The following SPATA6 variants were observed in gnomAD, a reference collection of about 807,000 sequenced individuals.
The protein encoded by SPATA6 is spermatogenesis-associated protein 6.
SPATA6 carries 56 observed loss-of-function variants against 65.3 expected under a neutral mutation model. The ratio of observed to expected loss-of-function variants is 0.86; its 90% CI spans 0.69 to 1.07. The LOEUF (loss-of-function observed/expected upper bound fraction) is 1.07. Ranked by LOEUF, SPATA6 falls within the 50% of genes least tolerant of loss-of-function variation. The pLI is 0.00. For missense variants in SPATA6, 590 were observed against 594.8 expected, an observed-to-expected ratio of 0.99 and a Z score of 0.08; for synonymous variants, 199 against 213.2, an observed-to-expected ratio of 0.93 and a Z score of 0.58.
chr1:48,471,887 C>A, intron 1 of SPATA6, 71 bp downstream of exon 1: 1 of 1,564,296 alleles, frequency 6.4e-7, no homozygotes, highest in Non-Finnish European at 8.7e-7. Context: ...GGGGTGGTTC[C>A]GGGCTCTCGG....
At chr1:48,385,215 G>T in intron 9 of SPATA6, 94 bp downstream of exon 9, 1 of 1,062,726 alleles carries the variant, frequency 9.4e-7, no homozygotes, top group Non-Finnish European at 1.3e-6. Context: ...AAATGAATTT[G>T]ATAATCCCTA....
At chr1:48,411,926 C>T (rs2147983467) in intron 4 of SPATA6, among the ~76,000 whole-genome samples, 1 of 151,626 alleles carries the variant, frequency 6.6e-6, no homozygotes, top group Admixed American at 6.6e-5. Flanking sequence ...TGCAATGGTG[C>T]CATCTCAGCT....
chr1:48,445,600 C>T (rs1190525676), intron 3 of SPATA6, among the ~76,000 whole-genome samples: 2 of 129,290 alleles, frequency 1.5e-5, no homozygotes, highest in African/African-American at 3.0e-5. Context: ...GCGGAGCTTG[C>T]AGTGAGCCGA....
At chr1:48,452,773 A>G (rs908729085) in intron 2 of SPATA6, among the ~76,000 whole-genome samples, 1 of 152,226 alleles carries the variant, frequency 6.6e-6, no homozygotes, top group Non-Finnish European at 1.5e-5. Context: ...AAGTCCACTA[A>G]ATCAATTTTA....
At position 48,472,164 on chromosome 1, in the gene SPATA6, C is replaced by T. The variant is rs1658320170; in HGVS notation, c.-156G>A. 1.7e-6 allele frequency: 1 copy of T among 575,670 alleles called. No individual in the cohort carries two copies. Among genetic ancestry groups the T allele is most frequent in the Non-Finnish European group, 2.9e-6 (1 of 344,684 alleles). 35.7% of individuals were successfully genotyped at this position (575,670 alleles called of 1,614,324 possible). A position where few individuals can be genotyped will look rare whatever the true frequency, so the allele number is the denominator to read the frequency against. ...GGCCCGCGGTCCAGCCTGGGTTCCGCCGGAGAAGCAGCTGAGCGCGGGGCG... is the reference window on the plus strand; with the variant it reads ...GGCCCGCGGTCCAGCCTGGGTTCCGTCGGAGAAGCAGCTGAGCGCGGGGCG... On this transcript the variant is annotated 5_prime_UTR_variant, in exon 1 of 13. Coordinates refer to ENST00000371847, the MANE Select transcript of SPATA6 (RefSeq NM_019073.4).
chr1:48,396,617 CAT>C (rs994842510), intron 7 of SPATA6, among the ~76,000 whole-genome samples: 5 of 151,772 alleles, frequency 3.3e-5, no homozygotes, highest in African/African-American at 1.2e-4. Context: ...TATGCTATAA[CAT>C]AGATGAACCT....
chr1:48,370,743 C>T (rs1337532737), intron 9 of SPATA6, among the ~76,000 whole-genome samples: 2 of 152,028 alleles, frequency 1.3e-5, no homozygotes, highest in African/African-American at 4.8e-5. Flanking sequence ...AAAATAAAAG[C>T]AAAATCAAAC....
intron 11 of SPATA6, among the ~76,000 whole-genome samples, chr1:48,314,694 AG>A (rs1393334601): frequency 6.6e-6 from 1 of 152,200 alleles, no homozygotes; most frequent in Admixed American, 6.5e-5. Context: ...CTAAGATCAG[AG>A]CAGAACTGAA....
chr1:48,263,238 T>G, the SPATA6 span: 1 of 152,226 alleles, frequency 6.6e-6, no homozygotes, highest in African/African-American at 2.4e-5. Flanking sequence ...GAAAATCTCT[T>G]GGCAGTGAGT....
the SPATA6 span, among the ~76,000 whole-genome samples, chr1:48,269,826 AATAT>A: frequency 1.3e-5 from 2 of 151,342 alleles, no homozygotes; most frequent in Non-Finnish European, 3.0e-5. Context: ...TAAAATTTAA[AATAT>A]ATATATAAAT....
At chr1:48,450,900 C>T (rs1380088911) in intron 3 of SPATA6, among the ~76,000 whole-genome samples, 1 of 152,160 alleles carries the variant, frequency 6.6e-6, no homozygotes, top group African/African-American at 2.4e-5. Context: ...TACATTAGAT[C>T]AATCTGTTGA....
chr1:48,300,828 G>C (rs970655871), intron 12 of SPATA6, among the ~76,000 whole-genome samples: 1 of 151,980 alleles, frequency 6.6e-6, no homozygotes, highest in African/African-American at 2.4e-5. Flanking sequence ...TCATTTCAAT[G>C]GGTGCTGAAA....
rs1249672729 is a variant in SPATA6 at position 48,296,620 on chromosome 1, A to T, written c.*2093T>A. 2.0e-5 allele frequency: 3 copies of T among 152,108 alleles called. No individual in the cohort carries two copies. The highest frequency in any genetic ancestry group is 7.2e-5 in the African/African-American group (3 of 41,418). The allele number at this position is 152,108 out of a possible 1,614,324, so 9.4% of individuals were successfully genotyped here. ...GCAACTCTTAAAAGAATTTTCACTT[A>T]TTTTTCCATGGAAAAACACTGAGGA... On this transcript the variant is annotated 3_prime_UTR_variant, in exon 13 of 13. Coordinates refer to ENST00000371847, the MANE Select transcript of SPATA6 (RefSeq NM_019073.4).
rs10632587 is a variant in SPATA6 at position 48,445,659 on chromosome 1, CAAAAAAAAAAAA to C, written c.238+5881_238+5892del. Among the ~76,000 whole-genome samples, 126 of 51,266 alleles carry C rather than the reference CAAAAAAAAAAAA, an allele frequency of 2.5e-3. 2 individuals carry two copies. Among genetic ancestry groups the C allele is most frequent in the African/African-American group, 7.5e-3 (62 of 8,258 alleles). 33.6% of individuals were successfully genotyped at this position (51,266 alleles called of 152,430 possible). A position where few individuals can be genotyped will look rare whatever the true frequency, so the allele number is the denominator to read the frequency against. On this transcript the variant is annotated intron_variant, in intron 3 of 12. Coordinates refer to ENST00000371847, the MANE Select transcript of SPATA6 (RefSeq NM_019073.4). ...TGGGAGAGAGAGTGAGACTCTGTCT[CAAAAAAAAAAAA>C]AAAAAAAAAAAAAAAAGCTAACACA...
intron 3 of SPATA6, among the ~76,000 whole-genome samples, chr1:48,423,941 TA>T (rs1352526275): frequency 3.9e-5 from 6 of 152,218 alleles, no homozygotes; most frequent in African/African-American, 1.4e-4. Context: ...CAATGTAAAA[TA>T]AGCACATCAT....
intron 11 of SPATA6, among the ~76,000 whole-genome samples, chr1:48,344,053 G>A (rs191758051): frequency 1.8e-4 from 28 of 152,180 alleles, no homozygotes; most frequent in Admixed American, 4.6e-4. Context: ...GAAAGGAACA[G>A]ACTGACTACT....
chr1:48,372,417 C>T (rs1421970253), intron 9 of SPATA6, among the ~76,000 whole-genome samples: 1 of 152,216 alleles, frequency 6.6e-6, no homozygotes, highest in African/African-American at 2.4e-5. Flanking sequence ...CCAGCTCACA[C>T]TGATGCAAGA....
rs114370448 is a variant in SPATA6 at position 48,354,847 on chromosome 1, A to G, written c.1194+823T>C. ...TTTCTTGATCTGGTAGGTAGTTTACATGAGACTGTTAATTTTATAATTTCT... is the reference window on the plus strand; with the variant it reads ...TTTCTTGATCTGGTAGGTAGTTTACGTGAGACTGTTAATTTTATAATTTCT... On this transcript the variant is annotated intron_variant, in intron 11 of 12. Coordinates refer to ENST00000371847, the MANE Select transcript of SPATA6 (RefSeq NM_019073.4). Among the ~76,000 whole-genome samples the G allele has an allele frequency of 3.5e-4, 53 of 152,272 alleles. No homozygotes were observed. In the East Asian group the frequency reaches 8.1e-3, roughly 23 times the overall value.
At position 48,471,921 on chromosome 1, in the gene SPATA6, C is replaced by A. The variant is rs1219544319; in HGVS notation, c.51+37G>T. ...GGAGGTGACTGAGGGAGTCCCTGAG[C>A]CAATGCCCGGGGGTGGGAGGCGCTA... On this transcript the variant is annotated intron_variant, in intron 1 of 12. Coordinates refer to ENST00000371847, the MANE Select transcript of SPATA6 (RefSeq NM_019073.4). 5.0e-6 allele frequency: 8 copies of A among 1,608,120 alleles called. No homozygotes were observed. The East Asian group carries it at 1.8e-4, about 36-fold the overall frequency.
Sources: allele counts gnomAD v4.1 joint callset (sites outside exome capture counted in the v4.1 genomes callset), GRCh38; gene constraint gnomAD v4.1.1; transcripts MANE v1.5; gene names NCBI Gene and HGNC (gene_info 2026-07-23, HGNC 2026-07-21).